The following CCDC71 variants were observed in gnomAD, a reference collection of about 807,000 sequenced individuals.
CCDC71 encodes the protein coiled-coil domain-containing protein 71.
For missense variants in CCDC71, 594 were observed against 604.0 expected (o/e 0.98, Z 0.17); for synonymous variants, 257 against 242.2 (o/e 1.06, Z -0.57).
chr3:49,163,023 C>T lies in CCDC71; in HGVS notation c.1186G>A (p.Ala396Thr), dbSNP rs770189946. The T allele has an allele frequency of 1.7e-5, 27 of 1,614,132 alleles. 2 individuals are homozygous for T. The Middle Eastern group carries it at 6.6e-4, about 39-fold the overall frequency. Residue 396 changes from alanine (A) to threonine (T), a missense_variant, in exon 2 of 2, where the codon GCA becomes ACA. Physicochemically the swap from Ala to Thr is moderately conservative, Grantham distance 58. Transcript: ENST00000321895. Reference sequence around the variant, plus strand: ...CTCTTCTTGGGAGGAAGATCTTTTGCCTCCTCAGCCCTTTTCCTCTTCTGC... The same window carrying T: ...CTCTTCTTGGGAGGAAGATCTTTTGTCTCCTCAGCCCTTTTCCTCTTCTGC... Reference protein sequence around the residue: ...VGQKRKRAEEAKDLPPKKRTR... With the variant: ...VGQKRKRAEETKDLPPKKRTR...
chr3:49,163,628 G>A lies in CCDC71; in HGVS notation c.581C>T (p.Ala194Val). 1 of 1,614,160 alleles carries A rather than the reference G, an allele frequency of 6.2e-7. No homozygotes were observed. The highest frequency in any genetic ancestry group is 8.5e-7 in the Non-Finnish European group (1 of 1,180,042). ...CTGCAGTGACTGTGCCTTGTGCTTGGCACCCAAGCAGGGCATGGGAGTCTT... is the reference window on the plus strand; with the variant it reads ...CTGCAGTGACTGTGCCTTGTGCTTGACACCCAAGCAGGGCATGGGAGTCTT... ...PLKTPMPCLG[A>V]KHKAQSLQLS... The change falls in exon 2 of 2, where the codon GCC (alanine) becomes GTC (valine). Residue 194 changes from alanine to valine, a missense_variant. Ala to Val is a moderately conservative substitution (Grantham distance 64). Transcript: ENST00000321895.
rs1217241564 is a variant in CCDC71, at chr3:49,162,581, G to C, written c.*224C>G. On this transcript the variant is annotated 3_prime_UTR_variant, in exon 2 of 2. Transcript: ENST00000321895. ...AGATGGAACAGTAGACATACAACTT[G>C]AATAACAAGTCACAGTGCATCGCGC... The C allele has an allele frequency of 3.4e-6, 2 of 593,090 alleles. No homozygotes were observed. The highest frequency in any genetic ancestry group is 2.1e-5 in the South Asian group (1 of 48,670). The allele number at this position is 593,090 out of a possible 1,614,324, so 36.7% of individuals were successfully genotyped here.
In CCDC71 at chr3:49,163,532, T is replaced by G; in HGVS notation, c.677A>C (p.Lys226Thr). ...SGKGPGNPRP[K>T]APRKTTSKGP... ...CTTGCTTGTGGTTTTTCTGGGAGCT[T>G]TGGGCCGAGGGTTCCCCGGACCCTT... is the stretch of plus-strand genomic sequence containing the variant. The change falls in exon 2 of 2, where the codon AAA becomes ACA. Residue 226 changes from lysine to threonine, a missense_variant. Physicochemically the swap from Lys to Thr is moderately conservative, Grantham distance 78. Coordinates refer to ENST00000321895, the MANE Select transcript of CCDC71 (RefSeq NM_022903.4). The G allele has an allele frequency of 1.2e-6, 2 of 1,614,200 alleles. No homozygotes were observed. The highest frequency in any genetic ancestry group is 1.7e-6 in the Non-Finnish European group (2 of 1,179,998).
rs1436836776 is a variant in CCDC71 at position 49,162,551 on chromosome 3, G to A, written c.*254C>T. Reference sequence around the variant, plus strand: ...ACTGGAAGGTGGAAAGGTATAAAACGTGATAGATGGAACAGTAGACATACA... The same window carrying A: ...ACTGGAAGGTGGAAAGGTATAAAACATGATAGATGGAACAGTAGACATACA... On this transcript the variant is annotated 3_prime_UTR_variant, in exon 2 of 2. Transcript: ENST00000321895. The A allele has an allele frequency of 9.0e-6, 5 of 553,848 alleles. No homozygotes were observed. The highest frequency in any genetic ancestry group is 1.6e-5 in the Non-Finnish European group (5 of 310,318). The allele number at this position is 553,848 out of a possible 1,614,324, so 34.3% of individuals were successfully genotyped here.
Position 49,163,252 on chromosome 3 carries a change from C to G in CCDC71, c.957G>C (p.Lys319Asn). 1.3e-6 allele frequency: 2 copies of G among 1,574,332 alleles called. No homozygotes were observed. Among genetic ancestry groups the G allele is most frequent in the Non-Finnish European group, 1.7e-6 (2 of 1,150,322 alleles). ...ARAKAKAAQVKAKAKAKAAQV... is the reference protein window; with the variant it reads ...ARAKAKAAQVNAKAKAKAAQV... ...GTGCTGCCTTAGCTTTGGCCTTAGC[C>G]TTGACCTGTGCTGCCTTGGCCTTGG... The change falls in exon 2 of 2, where the codon AAG becomes AAC. Residue 319 changes from lysine (K) to asparagine (N), a missense_variant. Transcript: ENST00000321895.
chr3:49,163,213 C>G lies in CCDC71; in HGVS notation c.996G>C (p.Lys332Asn), dbSNP rs150163074. Residue 332 changes from lysine (K) to asparagine (N), a missense_variant, in exon 2 of 2, where the codon AAG becomes AAC. Physicochemically the swap from Lys to Asn is moderately conservative, Grantham distance 94. Transcript: ENST00000321895. Reference sequence around the variant, plus strand: ...TGGCCCATGCTGCCATGACTTTGGCCTTGGCCTTGACCTGTGCTGCCTTAG... The same window carrying G: ...TGGCCCATGCTGCCATGACTTTGGCGTTGGCCTTGACCTGTGCTGCCTTAG... ...AKAKAAQVKA[K>N]AKVMAAWAKA... The G allele has an allele frequency of 6.4e-7, 1 of 1,572,862 alleles. No homozygotes were observed. The highest frequency in any genetic ancestry group is 8.7e-7 in the Non-Finnish European group (1 of 1,149,924).
Position 49,162,867 on chromosome 3 carries a change from G to A in CCDC71, c.1342C>T (p.Leu448Phe). Reference sequence around the variant, plus strand: ...ATTACAGGTGACAGGTTCACGCGGAGGATCCGCTGAGCCCGCTGCCGCACC... The same window carrying A: ...ATTACAGGTGACAGGTTCACGCGGAAGATCCGCTGAGCCCGCTGCCGCACC... ...DEVRQRAQRI[L>F]RVNLSPVIRL... The change falls in exon 2 of 2, where the codon CTC (leucine) becomes TTC (phenylalanine). Residue 448 changes from leucine to phenylalanine, a missense_variant. By Grantham distance (22) the Leu-to-Phe change is conservative (BLOSUM62 0). Transcript: ENST00000321895. 1 of 1,614,144 alleles carries A rather than the reference G, an allele frequency of 6.2e-7. No individual in the cohort carries two copies. Among genetic ancestry groups the A allele is most frequent in the Non-Finnish European group, 8.5e-7 (1 of 1,180,032 alleles).
Position 49,162,743 on chromosome 3 carries a change from C to G in CCDC71, c.*62G>C, listed in dbSNP as rs970325965. 8 of 1,524,666 alleles carry G rather than the reference C, an allele frequency of 5.2e-6. No individual in the cohort carries two copies. The African/African-American group carries it at 5.4e-5, about 10-fold the overall frequency. 94.4% of individuals were successfully genotyped at this position (1,524,666 alleles called of 1,614,324 possible). A position where few individuals can be genotyped will look rare whatever the true frequency, so the allele number is the denominator to read the frequency against. On this transcript the variant is annotated 3_prime_UTR_variant, in exon 2 of 2. Coordinates refer to ENST00000321895, the MANE Select transcript of CCDC71 (RefSeq NM_022903.4). ...TTGTGGAGTCCACGGACATAGCACA[C>G]TGTGCCACTAGCCACACAGACAGCT...
chr3:49,162,645 C>T lies in CCDC71; in HGVS notation c.*160G>A. ...CTCCCGCCCACCCACCCCACCGTAC[C>T]CCACCCACTCTGGTTTCTGAAAGGA... is the stretch of plus-strand genomic sequence containing the variant. On this transcript the variant is annotated 3_prime_UTR_variant, in exon 2 of 2. Transcript: ENST00000321895. The T allele has an allele frequency of 2.8e-6, 1 of 360,724 alleles. No homozygotes were observed. The highest frequency in any genetic ancestry group is 5.0e-6 in the Non-Finnish European group (1 of 200,024). The allele number at this position is 360,724 out of a possible 1,614,324, so 22.3% of individuals were successfully genotyped here.
chr3:49,162,621 T>TCA lies in CCDC71; in HGVS notation c.*183_*184insTG. ...GTGCATCGCGCCATGAAAACACCCCTCCCGCCCACCCACCCCACCGTACCC... is the reference window on the plus strand; with the variant it reads ...GTGCATCGCGCCATGAAAACACCCCTCACCCGCCCACCCACCCCACCGTACCC... On this transcript the variant is annotated 3_prime_UTR_variant, in exon 2 of 2. Transcript: ENST00000321895. The TCA allele has an allele frequency of 1.4e-4, 4 of 28,832 alleles. 1 individual carries two copies. Among genetic ancestry groups the TCA allele is most frequent in the Admixed American group, 5.4e-4 (1 of 1,840 alleles). The allele number at this position is 28,832 out of a possible 1,614,324, so 1.8% of individuals were successfully genotyped here.
At position 49,166,119 on chromosome 3, in the gene CCDC71, G is replaced by A. The variant is rs1332497541; in HGVS notation, c.-53+148C>T. 1 of 139,132 alleles carries A rather than the reference G, an allele frequency of 7.2e-6. No individual in the cohort carries two copies. Among genetic ancestry groups the A allele is most frequent in the Non-Finnish European group, 1.6e-5 (1 of 63,550 alleles). 8.6% of individuals were successfully genotyped at this position (139,132 alleles called of 1,614,324 possible). A position where few individuals can be genotyped will look rare whatever the true frequency, so the allele number is the denominator to read the frequency against. On this transcript the variant is annotated intron_variant, in intron 1 of 1. Coordinates refer to ENST00000321895, the MANE Select transcript of CCDC71 (RefSeq NM_022903.4). The surrounding 1 kb of genome is among the most constrained non-coding windows in gnomAD (Gnocchi z 4.0). ...GACCGCACAGCCCCAGGGTGGGGTC[G>A]CTGGGCGCGGGGTGGGGGTGGGGTG...
At position 49,164,014 on chromosome 3, in the gene CCDC71, C is replaced by G; in HGVS notation, c.195G>C (p.Leu65=). The stretch of plus-strand genomic sequence containing the variant: ...TATAGCCATAGACATCACCACTGCG[C>G]AGGATGGTAGGTTGGAAGCCATCAT... ...LRDDGFQPTI[L]RSGDVYGYSS... Residue 65 remains leucine, a synonymous_variant, in exon 2 of 2, where the codon CTG becomes CTC. Coordinates refer to ENST00000321895, the MANE Select transcript of CCDC71 (RefSeq NM_022903.4). The G allele has an allele frequency of 6.2e-7, 1 of 1,614,142 alleles. No homozygotes were observed. The highest frequency in any genetic ancestry group is 8.5e-7 in the Non-Finnish European group (1 of 1,180,034).
At position 49,162,970 on chromosome 3, in the gene CCDC71, C is replaced by T. The variant is rs763425737; in HGVS notation, c.1239G>A (p.Lys413=). ...TTGCTGTTCCAGGCCCTAGCCATGC[C>T]TTAGGAGATCGGGGCCCAAGCCGTG... is the stretch of plus-strand genomic sequence containing the variant. ...KRTRLGPRSP[K]AWLGPGTAKL... The change falls in exon 2 of 2, where the codon AAG becomes AAA. Residue 413 remains lysine (K), a synonymous_variant. Coordinates refer to ENST00000321895, the MANE Select transcript of CCDC71 (RefSeq NM_022903.4). 5.6e-6 allele frequency: 9 copies of T among 1,614,278 alleles called. No homozygotes were observed. The South Asian group carries it at 8.8e-5, about 16-fold the overall frequency.
At position 49,163,506 on chromosome 3, in the gene CCDC71, C is replaced by A. The variant is rs771846697; in HGVS notation, c.703G>T (p.Gly235Cys). Residue 235 changes from glycine to cysteine, a missense_variant, in exon 2 of 2, where the codon GGC (glycine) becomes TGC (cysteine). Transcript: ENST00000321895. Reference protein sequence around the residue: ...PKAPRKTTSKGPKCLTRKGPG... With the variant: ...PKAPRKTTSKCPKCLTRKGPG... ...CCTTTGCGAGTCAGACACTTGGGGC[C>A]CTTGCTTGTGGTTTTTCTGGGAGCT... 1.6e-5 allele frequency: 26 copies of A among 1,614,094 alleles called. No homozygotes were observed. The highest frequency in any genetic ancestry group is 2.2e-5 in the Non-Finnish European group (26 of 1,180,044).
Position 49,164,249 on chromosome 3 carries a change from A to G in CCDC71, c.-41T>C. ...AGATCTGCCTGGGTATCCGCAAACC[A>G]GCGCTTGGCACCTCCAAGACAAGAG... is the stretch of plus-strand genomic sequence containing the variant. On this transcript the variant is annotated 5_prime_UTR_variant, in exon 2 of 2. Transcript: ENST00000321895. 6.3e-7 allele frequency: 1 copy of G among 1,576,916 alleles called. No homozygotes were observed. Among genetic ancestry groups the G allele is most frequent in the African/African-American group, 1.3e-5 (1 of 74,276 alleles).
rs775443569 is a variant in CCDC71, at chr3:49,163,442, C to T, written c.767G>A (p.Ser256Asn). The T allele has an allele frequency of 6.2e-7, 1 of 1,614,240 alleles. No homozygotes were observed. The highest frequency in any genetic ancestry group is 1.1e-5 in the South Asian group (1 of 91,092). The stretch of plus-strand genomic sequence containing the variant: ...GGACCCAGTGGCTCTGTTGGTTTTG[C>T]TCTGGTGCCCAGAGCCTCGTCGGGG... ...AGPRRGSGHQSKTNRATGSPS... is the reference protein window; with the variant it reads ...AGPRRGSGHQNKTNRATGSPS... Residue 256 changes from serine to asparagine, a missense_variant, in exon 2 of 2, where the codon AGC (serine) becomes AAC (asparagine). By Grantham distance (46) the Ser-to-Asn change is conservative. Transcript: ENST00000321895.
rs752535933 is a variant in CCDC71, at chr3:49,163,868, G to T, written c.341C>A (p.Ala114Asp). ...AGATAGCGGCATGGGAAGCAGTGTGGCCCGACCTGCAGGCAACCGCATGGC... is the reference window on the plus strand; with the variant it reads ...AGATAGCGGCATGGGAAGCAGTGTGTCCCGACCTGCAGGCAACCGCATGGC... ...RTAMRLPAGR[A>D]TLLPMPLSGR... Residue 114 changes from alanine to aspartate, a missense_variant, in exon 2 of 2, where the codon GCC (alanine) becomes GAC (aspartate). Ala to Asp is a moderately radical substitution (Grantham distance 126). Coordinates refer to ENST00000321895, the MANE Select transcript of CCDC71 (RefSeq NM_022903.4). 4.3e-6 allele frequency: 7 copies of T among 1,614,180 alleles called. No individual in the cohort carries two copies. The highest frequency in any genetic ancestry group is 1.3e-5 in the African/African-American group (1 of 75,040).
At chr3:49,165,334 G>C (rs2045716653) in intron 1 of CCDC71, among the ~76,000 whole-genome samples, 1 of 152,244 alleles carries the variant, frequency 6.6e-6, no homozygotes, top group African/African-American at 2.4e-5. Flanking sequence ...GGAGGTGACT[G>C]AGAACACCTA....
Position 49,163,454 on chromosome 3 carries a change from G to A in CCDC71, c.755C>T (p.Ser252Phe). The stretch of plus-strand genomic sequence containing the variant: ...TCTGTTGGTTTTGCTCTGGTGCCCA[G>A]AGCCTCGTCGGGGTCCAGCCCCAGG... ...KGPGAGPRRG[S>F]GHQSKTNRAT... Residue 252 changes from serine (S) to phenylalanine (F), a missense_variant, in exon 2 of 2, where the codon TCT becomes TTT. Physicochemically the swap from Ser to Phe is radical, Grantham distance 155. Coordinates refer to ENST00000321895, the MANE Select transcript of CCDC71 (RefSeq NM_022903.4). 1 of 1,614,276 alleles carries A rather than the reference G, an allele frequency of 6.2e-7. No homozygotes were observed. The highest frequency in any genetic ancestry group is 1.1e-5 in the South Asian group (1 of 91,088).
Sources: gnomAD v4.1 joint callset for allele counts (sites outside exome capture counted in the v4.1 genomes callset) on GRCh38, gnomAD v4.1.1 for gene constraint, Gnocchi (gnomAD v3.1) non-coding constraint, MANE v1.5 for transcripts, NCBI Gene and HGNC (gene_info 2026-07-23, HGNC 2026-07-21) for gene names.